The following SLC3A1 variants were observed in gnomAD, a reference collection of about 807,000 sequenced individuals.
The protein encoded by SLC3A1 is amino acid transporter heavy chain SLC3A1.
In SLC3A1, 78 loss-of-function variants were observed where a neutral mutation model predicts 60.3. That is an observed-to-expected ratio of 1.29 (90% CI 1.08 to 1.56). The LOEUF is 1.56. SLC3A1 is among the 40% of genes most tolerant of loss of function. The probability of loss-of-function intolerance (pLI) is 0.00; values close to 1 mark genes in which losing one functional copy is unlikely to be tolerated. For missense variants in SLC3A1, 1,172 were observed against 858.9 expected, an observed-to-expected ratio of 1.36 and a Z score of -4.56; for synonymous variants, 392 against 307.9, an observed-to-expected ratio of 1.27 and a Z score of -2.86.
intron 9 of SLC3A1, 125 bp downstream of exon 9, chr2:44,314,076 C>T (rs757341311): frequency 6.4e-7 from 1 of 1,551,618 alleles, no homozygotes; most frequent in South Asian, 1.2e-5. Flanking sequence ...TCACAGACTT[C>T]CTTGCAGTTT....
At chr2:44,280,383 C>T (rs1671467712) in intron 1 of SLC3A1, among the ~76,000 whole-genome samples, 1 of 152,052 alleles carries the variant, frequency 6.6e-6, no homozygotes, top group Non-Finnish European at 1.5e-5. Context: ...GGATCATAGG[C>T]ATGTGGTACT....
At chr2:44,301,335 A>C (rs1241405286) in intron 6 of SLC3A1, 11 of 671,364 alleles carry the variant, frequency 1.6e-5, no homozygotes, top group Non-Finnish European at 2.9e-5. Flanking sequence ...CTTTTGTAAA[A>C]TGATGCAGAT....
At position 44,281,545 on chromosome 2, in the gene SLC3A1, A is replaced by G. The variant is rs1449983515; in HGVS notation, c.765+4A>G. On this transcript the variant is annotated splice_donor_region_variant and intron_variant, in intron 3 of 9. Transcript: ENST00000260649. Reference sequence around the variant, plus strand: ...AACCATTCCACCCAACAACTGGGTAAGTATCAACCTGTCTGACTTACAAAG... The same window carrying G: ...AACCATTCCACCCAACAACTGGGTAGGTATCAACCTGTCTGACTTACAAAG... 1.2e-6 allele frequency: 2 copies of G among 1,613,770 alleles called. No homozygotes were observed. The highest frequency in any genetic ancestry group is 1.7e-6 in the Non-Finnish European group (2 of 1,179,746).
chr2:44,302,422 AAAG>A (rs1158236911), intron 6 of SLC3A1, among the ~76,000 whole-genome samples: 1 of 152,250 alleles, frequency 6.6e-6, no homozygotes, highest in Non-Finnish European at 1.5e-5. Context: ...GGAAGGAATT[AAAG>A]AAATTTCATC....
intron 1 of SLC3A1, among the ~76,000 whole-genome samples, chr2:44,280,413 AT>A (rs1345400392): frequency 6.6e-6 from 1 of 151,858 alleles, no homozygotes; most frequent in Admixed American, 6.6e-5. Flanking sequence ...TAATTTTTGT[AT>A]TTTTAATAGA....
intron 9 of SLC3A1, among the ~76,000 whole-genome samples, chr2:44,317,279 A>G (rs995133030): frequency 1.2e-4 from 19 of 152,264 alleles, no homozygotes; most frequent in African/African-American, 4.3e-4. Flanking sequence ...CCTAGGCAAC[A>G]TAGTAAGACC....
At chr2:44,297,203 C>T (rs1671873540) in intron 4 of SLC3A1, among the ~76,000 whole-genome samples, 1 of 152,186 alleles carries the variant, frequency 6.6e-6, no homozygotes, top group Non-Finnish European at 1.5e-5. Context: ...GTGAAACCTT[C>T]CATACAGCAA....
chr2:44,277,103 C>CTTCTTTTTTTTTTTTTTTTTTTTTTTT (rs1465413757), intron 1 of SLC3A1, among the ~76,000 whole-genome samples: 1 of 94,838 alleles, frequency 1.1e-5, no homozygotes, highest in African/African-American at 3.7e-5. Flanking sequence ...TCTCTCTCTT[C>CTTCTTTTTTTTTTTTTTTTTTTTTTTT]TTTTTTTTTT....
At chr2:44,296,151 C>A (rs969182173) in intron 4 of SLC3A1, among the ~76,000 whole-genome samples, 5 of 152,160 alleles carry the variant, frequency 3.3e-5, no homozygotes, top group African/African-American at 1.2e-4. Flanking sequence ...TTCTCTAGCC[C>A]ATTCTCTGAT....
At chr2:44,307,320 A>C (rs2104375630) in intron 7 of SLC3A1, among the ~76,000 whole-genome samples, 1 of 152,308 alleles carries the variant, frequency 6.6e-6, no homozygotes, top group Non-Finnish European at 1.5e-5. Flanking sequence ...GTTTTTATAA[A>C]AACATGTTTT....
chr2:44,299,053 T>TA (rs903101499), intron 4 of SLC3A1, among the ~76,000 whole-genome samples: 2 of 94,672 alleles, frequency 2.1e-5, no homozygotes, highest in Admixed American at 1.0e-4. Flanking sequence ...TTTTTTTTTT[T>TA]AAAAGACAGA....
intron 9 of SLC3A1, chr2:44,319,489 A>G (rs1672738846): frequency 6.6e-6 from 1 of 151,732 alleles, no homozygotes; most frequent in African/African-American, 2.4e-5. Flanking sequence ...ATTGTCATTA[A>G]AAACATTTAT....
At chr2:44,316,272 T>G (rs1007856654) in intron 9 of SLC3A1, 1 of 152,220 alleles carries the variant, frequency 6.6e-6, no homozygotes, top group South Asian at 2.1e-4. Flanking sequence ...AAGACTTAAA[T>G]ATAAGTATAA....
At chr2:44,278,118 A>G (rs912276514) in intron 1 of SLC3A1, among the ~76,000 whole-genome samples, 1 of 152,060 alleles carries the variant, frequency 6.6e-6, no homozygotes, top group Non-Finnish European at 1.5e-5. Context: ...GCAGCTACCC[A>G]TATGGGGGAA....
At position 44,280,887 on chromosome 2, in the gene SLC3A1, A is replaced by G; in HGVS notation, c.602A>G (p.His201Arg). The change falls in exon 2 of 10, where the codon CAT (histidine) becomes CGT (arginine). Residue 201 changes from histidine to arginine, a missense_variant. His to Arg is a conservative substitution (Grantham distance 29). Coordinates refer to ENST00000260649, the MANE Select transcript of SLC3A1 (RefSeq NM_000341.4). The part of the protein sequence containing the change: ...EDFENLVAAI[H>R]DKGLKLIIDF... ...TTTGAGAATCTGGTTGCAGCCATAC[A>G]TGATAAAGGTAAGTTGAATGGAAAG... 3 of 1,614,068 alleles carry G rather than the reference A, an allele frequency of 1.9e-6. No homozygotes were observed. Among genetic ancestry groups the G allele is most frequent in the East Asian group, 2.2e-5 (1 of 44,866 alleles).
intron 1 of SLC3A1, among the ~76,000 whole-genome samples, chr2:44,278,307 G>T (rs1000907650): frequency 1.3e-5 from 2 of 152,068 alleles, no homozygotes; most frequent in Non-Finnish European, 2.9e-5. Context: ...AATCAGCTGG[G>T]CGTGGTGGCG....
At chr2:44,319,346 G>A (rs958310897) in intron 9 of SLC3A1, 1 of 152,676 alleles carries the variant, frequency 6.5e-6, no homozygotes, top group African/African-American at 2.4e-5. Flanking sequence ...CTTTGACAAA[G>A]TAACTGTCTT....
rs762241034 is a variant in SLC3A1 at position 44,304,154 on chromosome 2, C to T, written c.1148C>T (p.Thr383Ile). The T allele has an allele frequency of 2.5e-6, 4 of 1,614,010 alleles. No homozygotes were observed. Among genetic ancestry groups the T allele is most frequent in the East Asian group, 4.5e-5 (2 of 44,878 alleles). ...TEPGRYRFMG[T>I]EAYAESIDRT... ...GTCAACTCTTATAGGTTCATGGGGA[C>T]TGAAGCCTATGCAGAGAGTATTGAC... The change falls in exon 7 of 10, where the codon ACT becomes ATT. Residue 383 changes from threonine to isoleucine, a missense_variant. Transcript: ENST00000260649.
At chr2:44,288,879 G>C (rs1187943310) in intron 4 of SLC3A1, among the ~76,000 whole-genome samples, 2 of 151,956 alleles carry the variant, frequency 1.3e-5, no homozygotes, top group Non-Finnish European at 1.5e-5. Flanking sequence ...CTGTCACCCA[G>C]GCTGGAGTGC....
Sources: allele counts gnomAD v4.1 joint callset (sites outside exome capture counted in the v4.1 genomes callset), GRCh38; gene constraint gnomAD v4.1.1; transcripts MANE v1.5; gene names NCBI Gene and HGNC (gene_info 2026-07-23, HGNC 2026-07-21).